Variants in SNTB1 observed in about 807,000 individuals in gnomAD.
SNTB1 encodes the protein syntrophin beta 1, also known as beta-1-syntrophin.
Under a neutral mutation model 48.9 loss-of-function variants are expected in SNTB1, and 36 were observed. That is an observed-to-expected ratio of 0.74 (90% confidence interval 0.56 to 0.97). The LOEUF (loss-of-function observed/expected upper bound fraction) is 0.97. Ranked by LOEUF, SNTB1 falls within the 50% of genes least tolerant of loss-of-function variation. SNTB1 has a pLI of 0.00. For missense variants in SNTB1, 786 were observed against 703.4 expected, an observed-to-expected ratio of 1.12 and a Z score of -1.33; for synonymous variants, 299 against 294.6, an observed-to-expected ratio of 1.01 and a Z score of -0.15.
Position 120,632,449 on chromosome 8 carries a change from C to A in SNTB1, c.991G>T (p.Glu331Ter). The A allele has an allele frequency of 6.2e-7, 1 of 1,613,942 alleles. No homozygotes were observed. The highest frequency in any genetic ancestry group is 8.5e-7 in the Non-Finnish European group (1 of 1,180,000). ...GAGGAAGGTATTTTCCTTACCTTTT[C>A]TGCAAGCCAGCCAAGATGCCTAATC... Reference protein sequence around the residue: ...REIRHLGWLAEKVPGESKKQW... With the variant: ...REIRHLGWLA Residue 331 changes from glutamate to a stop codon, truncating the protein, a stop_gained, in exon 3 of 7, where the codon GAA becomes TAA. Transcript: ENST00000517992. LOFTEE classifies it high-confidence loss of function.
intron 1 of SNTB1, among the ~76,000 whole-genome samples, chr8:120,732,159 T>C (rs1587121474): frequency 6.6e-6 from 1 of 152,348 alleles, no homozygotes; most frequent in East Asian, 1.9e-4. Context: ...TTCAAAGTGC[T>C]GATATGACTT....
chr8:120,742,477 C>T (rs141963624), intron 1 of SNTB1, among the ~76,000 whole-genome samples: 222 of 152,276 alleles, frequency 1.5e-3, no homozygotes, highest in African/African-American at 5.2e-3. Flanking sequence ...TTATTTCTTA[C>T]AGGAAGCAAA....
At chr8:120,644,214 A>G (rs1030131195) in intron 2 of SNTB1, among the ~76,000 whole-genome samples, 1 of 150,914 alleles carries the variant, frequency 6.6e-6, no homozygotes, top group Admixed American at 6.6e-5. Flanking sequence ...CACATTGTGC[A>G]GGTTAGTTAC....
chr8:120,728,296 G>T (rs543422940), intron 1 of SNTB1, among the ~76,000 whole-genome samples: 2 of 152,078 alleles, frequency 1.3e-5, no homozygotes, highest in African/African-American at 4.8e-5. Flanking sequence ...GTCCGGCTGT[G>T]AAGTATTTTT....
At chr8:120,697,562 G>A (rs1818232300) in intron 1 of SNTB1, among the ~76,000 whole-genome samples, 1 of 152,194 alleles carries the variant, frequency 6.6e-6, no homozygotes, top group Non-Finnish European at 1.5e-5. Context: ...CAAATCTCTA[G>A]AGGCCTTGAA....
chr8:120,686,238 A>G (rs1329568818), intron 2 of SNTB1, among the ~76,000 whole-genome samples: 2 of 152,224 alleles, frequency 1.3e-5, no homozygotes, highest in Admixed American at 6.5e-5. Flanking sequence ...GGTATTTGCT[A>G]TAGCAACACC....
At chr8:120,659,574 C>T (rs1817555524) in intron 2 of SNTB1, among the ~76,000 whole-genome samples, 1 of 152,178 alleles carries the variant, frequency 6.6e-6, no homozygotes, top group South Asian at 2.1e-4. Context: ...TGACCTCCTC[C>T]CATAAATCAC....
chr8:120,540,428 C>T (rs899866358), intron 6 of SNTB1, among the ~76,000 whole-genome samples: 3 of 152,178 alleles, frequency 2.0e-5, no homozygotes, highest in African/African-American at 7.2e-5. Flanking sequence ...GAAATTTAGA[C>T]ATAAGTGATT....
At chr8:120,674,465 A>G (rs946592349) in intron 2 of SNTB1, among the ~76,000 whole-genome samples, 4 of 152,268 alleles carry the variant, frequency 2.6e-5, no homozygotes, top group African/African-American at 9.6e-5. Context: ...ATGAAATGTG[A>G]AACCACTACA....
rs192934598 is a variant in SNTB1 at position 120,639,892 on chromosome 8, T to C, written c.789-7241A>G. The stretch of plus-strand genomic sequence containing the variant: ...TTTTTGTTCCATACGAACTTTAAAG[T>C]AGTTTTTTTCAATTCTGTGAAGAAA... On this transcript the variant is annotated intron_variant, in intron 2 of 6. Transcript: ENST00000517992. 1.3e-3 allele frequency among the ~76,000 whole-genome samples: 197 copies of C among 152,298 alleles called. 1 individual carries two copies. Among genetic ancestry groups the C allele is most frequent in the African/African-American group, 4.5e-3 (185 of 41,550 alleles).
rs775770688 is a variant in SNTB1, at chr8:120,548,838, C to T, written c.1257G>A (p.Arg419=). The change falls in exon 5 of 7, where the codon AGG becomes AGA. Residue 419 remains arginine, a synonymous_variant. Coordinates refer to ENST00000517992, the MANE Select transcript of SNTB1 (RefSeq NM_021021.4). ...TGCTCCTTGTCCAGTGGGAGAGGTCCCTGCTGGTCTCTGCTCTGAAGAGAT... is the reference window on the plus strand; with the variant it reads ...TGCTCCTTGTCCAGTGGGAGAGGTCTCTGCTGGTCTCTGCTCTGAAGAGAT... ...ETHLFRAETS[R]DLSHWTRSIV... is the part of the protein sequence containing the mutation. 37 of 1,613,956 alleles carry T rather than the reference C, an allele frequency of 2.3e-5. No individual in the cohort carries two copies. Among genetic ancestry groups the T allele is most frequent in the Non-Finnish European group, 2.9e-5 (34 of 1,180,016 alleles).
At chr8:120,705,010 G>C (rs1026578986) in intron 1 of SNTB1, among the ~76,000 whole-genome samples, 2 of 152,210 alleles carry the variant, frequency 1.3e-5, no homozygotes, top group African/African-American at 4.8e-5. Flanking sequence ...TTCAGAAAAG[G>C]AGAGAGAAGT....
chr8:120,543,812 G>A (rs1329429825), intron 5 of SNTB1, among the ~76,000 whole-genome samples: 2 of 152,100 alleles, frequency 1.3e-5, no homozygotes, highest in Admixed American at 1.3e-4. Context: ...TGTAACTAGG[G>A]CTGATCTTTT....
intron 2 of SNTB1, among the ~76,000 whole-genome samples, chr8:120,688,836 A>T (rs1422033516): frequency 6.6e-6 from 1 of 152,198 alleles, no homozygotes; most frequent in East Asian, 1.9e-4. Context: ...ACAGGGAGCC[A>T]TTTTGACAGA....
intron 2 of SNTB1, among the ~76,000 whole-genome samples, chr8:120,658,571 T>C (rs913404887): frequency 4.6e-5 from 7 of 152,236 alleles, no homozygotes; most frequent in African/African-American, 1.7e-4. Context: ...GTTTATATCA[T>C]ACTGCAGTCT....
intron 5 of SNTB1, among the ~76,000 whole-genome samples, chr8:120,543,528 T>G (rs1365303478): frequency 6.6e-6 from 1 of 152,142 alleles, no homozygotes; most frequent in Non-Finnish European, 1.5e-5. Flanking sequence ...CTACCCGGGT[T>G]GTTTGGCTTT....
intron 4 of SNTB1, among the ~76,000 whole-genome samples, chr8:120,565,616 T>G (rs1297518707): frequency 6.6e-6 from 1 of 152,162 alleles, no homozygotes; most frequent in Non-Finnish European, 1.5e-5. Flanking sequence ...GCACATCACA[T>G]TTTAGGAGCT....
intron 1 of SNTB1, among the ~76,000 whole-genome samples, chr8:120,703,269 T>C (rs1818333663): frequency 6.6e-6 from 1 of 152,192 alleles, no homozygotes; most frequent in African/African-American, 2.4e-5. Context: ...GGATTATAGG[T>C]GCGCAGCACC....
chr8:120,794,862 A>G (rs1820095875), intron 1 of SNTB1, among the ~76,000 whole-genome samples: 1 of 152,034 alleles, frequency 6.6e-6, no homozygotes, highest in Non-Finnish European at 1.5e-5. Context: ...ATACCTTCCC[A>G]AGAGCTTCTT....
Sources: allele counts gnomAD v4.1 joint callset (sites outside exome capture counted in the v4.1 genomes callset), GRCh38; gene constraint gnomAD v4.1.1; transcripts MANE v1.5; gene names NCBI Gene and HGNC (gene_info 2026-07-23, HGNC 2026-07-21).